Variants in ACYP2 observed in about 807,000 individuals in gnomAD.
ACYP2 encodes the protein acylphosphatase 2.
In ACYP2, 12 loss-of-function variants were observed where a neutral mutation model predicts 11.2. The observed-to-expected ratio is 1.08, with a 90% CI of 0.69 to 1.74. ACYP2 has a LOEUF of 1.74. Among genes scored for constraint, ACYP2 ranks in the 40% most tolerant of loss-of-function variants. ACYP2 has a pLI of 0.00. For missense variants in ACYP2, 134 were observed against 101.9 expected, an observed-to-expected ratio of 1.31 and a Z score of -1.35; for synonymous variants, 43 against 32.2, an observed-to-expected ratio of 1.33 and a Z score of -1.13.
At chr2:54,222,272 A>G (rs12612860) in intron 6 of ACYP2, among the ~76,000 whole-genome samples, 36,404 of 151,990 alleles carry the variant, frequency 0.24, 4,565 homozygotes, top group East Asian at 0.39. Context: ...ATTACAGGCC[A>G]GGCGTGGTGG....
chr2:54,268,696 G>A (rs923231600), intron 6 of ACYP2, among the ~76,000 whole-genome samples: 1 of 151,392 alleles, frequency 6.6e-6, no homozygotes, highest in Non-Finnish European at 1.5e-5. Context: ...TGGAGTCCCA[G>A]CTACTTGGGA....
At chr2:53,989,478 T>C (rs1238572144) in intron 2 of ACYP2, among the ~76,000 whole-genome samples, 1 of 152,090 alleles carries the variant, frequency 6.6e-6, no homozygotes, top group Non-Finnish European at 1.5e-5. Context: ...GCACCTAATG[T>C]GTGTATTTAG....
chr2:54,159,087 TTAC>T (rs1384650000), intron 6 of ACYP2, among the ~76,000 whole-genome samples: 1 of 152,082 alleles, frequency 6.6e-6, no homozygotes, highest in Non-Finnish European at 1.5e-5. Flanking sequence ...TGTTATAGGT[TTAC>T]TACTATAAAA....
intron 6 of ACYP2, chr2:54,256,056 C>T (rs1460542854): frequency 1.4e-5 from 22 of 1,614,060 alleles, no homozygotes; most frequent in Admixed American, 8.3e-5. Context: ...TTACCTCTGT[C>T]GCCTTGCTCT....
intron 6 of ACYP2, among the ~76,000 whole-genome samples, chr2:54,241,641 A>C (rs1198557706): frequency 6.6e-6 from 1 of 152,184 alleles, no homozygotes; most frequent in Admixed American, 6.5e-5. Context: ...TGATGTAATA[A>C]AGTTTTGCAA....
intron 2 of ACYP2, among the ~76,000 whole-genome samples, chr2:53,978,421 G>A (rs890484646): frequency 6.6e-6 from 1 of 152,194 alleles, no homozygotes; most frequent in Non-Finnish European, 1.5e-5. Flanking sequence ...GTCATGTACA[G>A]CATAATGATG....
intron 6 of ACYP2, among the ~76,000 whole-genome samples, chr2:54,241,814 A>G (rs1444462568): frequency 6.6e-6 from 1 of 152,188 alleles, no homozygotes; most frequent in Non-Finnish European, 1.5e-5. Context: ...GGAGTTCAGG[A>G]CCAGCCTGGC....
At chr2:54,233,942 C>T (rs777154977) in intron 6 of ACYP2, among the ~76,000 whole-genome samples, 5 of 152,198 alleles carry the variant, frequency 3.3e-5, no homozygotes, top group Non-Finnish European at 7.3e-5. Flanking sequence ...CCCTAAAGAA[C>T]TGAGGGTCCT....
chr2:54,284,332 G>C (rs1400846600), intron 6 of ACYP2, among the ~76,000 whole-genome samples: 1 of 152,096 alleles, frequency 6.6e-6, no homozygotes, highest in Non-Finnish European at 1.5e-5. Flanking sequence ...TCAACATACA[G>C]CCCCAGGCAT....
At chr2:53,977,172 C>T (rs1423878103) in intron 2 of ACYP2, among the ~76,000 whole-genome samples, 3 of 152,014 alleles carry the variant, frequency 2.0e-5, no homozygotes, top group African/African-American at 7.2e-5. Flanking sequence ...CTCAGTTTCC[C>T]GAGTAGCTGG....
intron 6 of ACYP2, among the ~76,000 whole-genome samples, chr2:54,208,420 G>T (rs1286736984): frequency 6.6e-6 from 1 of 151,928 alleles, no homozygotes; most frequent in Non-Finnish European, 1.5e-5. Flanking sequence ...GAGGTTTGTT[G>T]TGTGGGTGTG....
At chr2:54,169,543 G>A (rs1195245254) in intron 6 of ACYP2, among the ~76,000 whole-genome samples, 1 of 151,968 alleles carries the variant, frequency 6.6e-6, no homozygotes, top group Non-Finnish European at 1.5e-5. Context: ...CCAAAGTGCT[G>A]AGATTACAGG....
At chr2:54,277,534 C>T (rs977347318) in intron 6 of ACYP2, among the ~76,000 whole-genome samples, 4 of 151,936 alleles carry the variant, frequency 2.6e-5, no homozygotes, top group African/African-American at 9.7e-5. Context: ...AAAAATTAGC[C>T]AGGTGTGGTG....
At chr2:54,181,372 C>A (rs530645479) in intron 6 of ACYP2, among the ~76,000 whole-genome samples, 3 of 152,256 alleles carry the variant, frequency 2.0e-5, no homozygotes, top group African/African-American at 7.2e-5. Context: ...TGAGAGAAAA[C>A]TAGAACTGAA....
chr2:54,104,105 C>G (rs938597863), intron 4 of ACYP2, among the ~76,000 whole-genome samples: 6 of 152,170 alleles, frequency 3.9e-5, no homozygotes, highest in Admixed American at 1.3e-4. Flanking sequence ...AGACTTGGTA[C>G]TTAAAATGAA....
At chr2:54,161,317 G>A (rs1222875276) in intron 6 of ACYP2, among the ~76,000 whole-genome samples, 1 of 152,188 alleles carries the variant, frequency 6.6e-6, no homozygotes, top group Non-Finnish European at 1.5e-5. Flanking sequence ...GATCTTGGGG[G>A]CTGGGACCCG....
chr2:54,287,496 C>T (rs1689127885), intron 6 of ACYP2, among the ~76,000 whole-genome samples: 1 of 152,006 alleles, frequency 6.6e-6, no homozygotes, highest in South Asian at 2.1e-4. Flanking sequence ...TGACTGACTT[C>T]AAACTCATAG....
At chr2:54,276,257 ATTT>A (rs1434279244) in intron 6 of ACYP2, among the ~76,000 whole-genome samples, 3 of 152,122 alleles carry the variant, frequency 2.0e-5, no homozygotes, top group Non-Finnish European at 2.9e-5. Context: ...CCAATAGCAT[ATTT>A]TAGTTAATAA....
rs138812389 is a variant in ACYP2 at position 54,266,590 on chromosome 2, C to CTTTTTTTTTTTTTTTTTTTTTTTTTTT, written c.405-38091_405-38065dup. 3.8e-5 allele frequency among the ~76,000 whole-genome samples: 2 copies of CTTTTTTTTTTTTTTTTTTTTTTTTTTT among 52,270 alleles called. 1 individual carries two copies. The highest frequency in any genetic ancestry group is 6.7e-5 in the Non-Finnish European group (2 of 29,942). 34.3% of individuals were successfully genotyped at this position (52,270 alleles called of 152,430 possible). A position where few individuals can be genotyped will look rare whatever the true frequency, so the allele number is the denominator to read the frequency against. On this transcript the variant is annotated intron_variant, in intron 6 of 6. Coordinates refer to ENST00000607452, the MANE Select transcript of ACYP2 (RefSeq NM_001320586.2). The stretch of plus-strand genomic sequence containing the variant: ...TAGATAGATATAGATATCTATCTAT[C>CTTTTTTTTTTTTTTTTTTTTTTTTTTT]TTTTTTTTTTTTTTTTTTTTTTTTT...
Sources: allele counts gnomAD v4.1 joint callset (sites outside exome capture counted in the v4.1 genomes callset), GRCh38; gene constraint gnomAD v4.1.1; transcripts MANE v1.5; gene names NCBI Gene and HGNC (gene_info 2026-07-23, HGNC 2026-07-21).